The following PDE3A variants were observed in gnomAD, a reference collection of about 807,000 sequenced individuals.
PDE3A encodes phosphodiesterase 3A, also known as cGMP-inhibited 3',5'-cyclic phosphodiesterase 3A.
A neutral mutation model predicts 98.3 loss-of-function variants in PDE3A; 43 were observed. The ratio of observed to expected loss-of-function variants is 0.44; its 90% CI spans 0.34 to 0.56. PDE3A has a LOEUF of 0.56. Among genes scored for constraint, PDE3A ranks in the 20% least tolerant of loss-of-function variants. The probability of loss-of-function intolerance (pLI) is 0.01; values close to 1 mark genes in which losing one functional copy is unlikely to be tolerated. For missense variants in PDE3A, 1,427 were observed against 1,440.7 expected (o/e 0.99, Z 0.15); for synonymous variants, 663 against 567.9 (o/e 1.17, Z -2.38).
At chr12:20,438,962 T>G (rs1439170893) in intron 1 of PDE3A, among the ~76,000 whole-genome samples, 1 of 151,916 alleles carries the variant, frequency 6.6e-6, no homozygotes, top group African/African-American at 2.4e-5. Context: ...TGGCTAATTT[T>G]TTTTGTGTTT....
At chr12:20,375,277 G>A (rs1308565659) in intron 1 of PDE3A, among the ~76,000 whole-genome samples, 1 of 151,894 alleles carries the variant, frequency 6.6e-6, no homozygotes, top group Non-Finnish European at 1.5e-5. Context: ...ATAGAAACTT[G>A]AATCCTTTTG....
intron 1 of PDE3A, among the ~76,000 whole-genome samples, chr12:20,519,103 GT>G (rs1455138038): frequency 6.6e-6 from 1 of 152,154 alleles, no homozygotes; most frequent in Non-Finnish European, 1.5e-5. Context: ...TAGTGTTGTA[GT>G]TTATGTGACT....
At position 20,501,354 on chromosome 12, in the gene PDE3A, CAA is replaced by C. The variant is rs554064038; in HGVS notation, c.961-55305_961-55304del. On this transcript the variant is annotated intron_variant, in intron 1 of 15. Transcript: ENST00000359062. ...ACCGTAATCCATATAACCTCAGCGTCAAGTCAGATTTTTTTTATTGCCTGAAA... is the reference window on the plus strand; with the variant it reads ...ACCGTAATCCATATAACCTCAGCGTCGTCAGATTTTTTTTATTGCCTGAAA... Among the ~76,000 whole-genome samples, 498 of 152,276 alleles carry C rather than the reference CAA, an allele frequency of 3.3e-3. 3 individuals carry two copies. The highest frequency in any genetic ancestry group is 0.011 in the African/African-American group (476 of 41,564).
At chr12:20,585,054 T>G (rs1943160299) in intron 2 of PDE3A, among the ~76,000 whole-genome samples, 1 of 152,212 alleles carries the variant, frequency 6.6e-6, no homozygotes, top group South Asian at 2.1e-4. Flanking sequence ...TACCTCAATC[T>G]TGTTCTTTCT....
intron 1 of PDE3A, among the ~76,000 whole-genome samples, chr12:20,539,018 C>A (rs781070144): frequency 6.6e-6 from 1 of 151,902 alleles, no homozygotes; most frequent in Admixed American, 6.6e-5. Context: ...TCCCTTAACA[C>A]GTGCCAATTA....
At chr12:20,521,322 G>A (rs1198520432) in intron 1 of PDE3A, among the ~76,000 whole-genome samples, 1 of 151,938 alleles carries the variant, frequency 6.6e-6, no homozygotes, top group Non-Finnish European at 1.5e-5. Flanking sequence ...AAAGAGGAGT[G>A]GTAACATGAA....
chr12:20,462,912 C>T (rs779456183), intron 1 of PDE3A, among the ~76,000 whole-genome samples: 8 of 151,902 alleles, frequency 5.3e-5, no homozygotes, highest in Non-Finnish European at 1.2e-4. Flanking sequence ...ACTTCGGCCT[C>T]CTGAGTATAC....
intron 1 of PDE3A, among the ~76,000 whole-genome samples, chr12:20,542,053 C>T (rs1941927541): frequency 6.6e-6 from 1 of 151,988 alleles, no homozygotes; most frequent in Non-Finnish European, 1.5e-5. Context: ...TGTAGTCCGT[C>T]TATGCTTTTC....
At position 20,369,211 on chromosome 12, in the gene PDE3A, G is replaced by T. The variant is rs993669966; in HGVS notation, c.-74G>T. The stretch of plus-strand genomic sequence containing the variant: ...CGTGCGTGTGTGTGTGTGTGTGTGT[G>T]CGCGCGCGCGCGTGGGTCGGGGCGG... On this transcript the variant is annotated 5_prime_UTR_variant, in exon 1 of 16. Transcript: ENST00000359062. The T allele has an allele frequency of 2.8e-5, 24 of 863,036 alleles. No homozygotes were observed. Among genetic ancestry groups the T allele is most frequent in the Non-Finnish European group, 2.5e-5 (15 of 607,852 alleles). The allele number at this position is 863,036 out of a possible 1,614,324, so 53.5% of individuals were successfully genotyped here.
intron 1 of PDE3A, among the ~76,000 whole-genome samples, chr12:20,478,532 A>AC (rs1367870134): frequency 1.3e-5 from 2 of 152,154 alleles, no homozygotes; most frequent in Non-Finnish European, 2.9e-5. Context: ...TTCAGTACCT[A>AC]CCTAGCACAC....
chr12:20,680,113 A>G lies in PDE3A; in HGVS notation c.3268A>G (p.Ile1090Val), dbSNP rs773161284. Residue 1090 changes from isoleucine to valine, a missense_variant, in exon 16 of 16, where the codon ATT (isoleucine) becomes GTT (valine). By Grantham distance (29) the Ile-to-Val change is conservative. Transcript: ENST00000359062. ...LQNHKMWKKVIEEEQRLAGIE... is the reference protein window; with the variant it reads ...LQNHKMWKKVVEEEQRLAGIE... ...GAACCACAAGATGTGGAAGAAAGTC[A>G]TTGAAGAGGAGCAACGGTTGGCAGG... is the stretch of plus-strand genomic sequence containing the variant. 4 of 1,613,556 alleles carry G rather than the reference A, an allele frequency of 2.5e-6. No homozygotes were observed. Among genetic ancestry groups the G allele is most frequent in the Non-Finnish European group, 3.4e-6 (4 of 1,179,640 alleles).
intron 2 of PDE3A, among the ~76,000 whole-genome samples, chr12:20,582,825 A>G (rs896055451): frequency 6.6e-6 from 1 of 152,182 alleles, no homozygotes; most frequent in African/African-American, 2.4e-5. Flanking sequence ...TGGAGTATAG[A>G]GGTGAAAGAA....
At chr12:20,477,317 T>C (rs947747726) in intron 1 of PDE3A, among the ~76,000 whole-genome samples, 2 of 152,216 alleles carry the variant, frequency 1.3e-5, no homozygotes, top group Admixed American at 1.3e-4. Flanking sequence ...AGTACTTCTT[T>C]TTCCTATTAA....
chr12:20,686,724 T>C lies in PDE3A; in HGVS notation c.*6453T>C, dbSNP rs1284861016. Among the ~76,000 whole-genome samples the C allele has an allele frequency of 6.6e-6, 1 of 152,100 alleles. No homozygotes were observed. The highest frequency in any genetic ancestry group is 1.5e-5 in the Non-Finnish European group (1 of 67,988). On this transcript the variant is annotated 3_prime_UTR_variant, in exon 16 of 16. Coordinates refer to ENST00000359062, the MANE Select transcript of PDE3A (RefSeq NM_000921.5). ...CTTCAATTATACTTCTCTTACTCAA[T>C]ATTAGTAACCAAAAAATAAGCAGAA...
At chr12:20,649,417 T>C (rs12371955) in intron 13 of PDE3A, among the ~76,000 whole-genome samples, 28,619 of 152,152 alleles carry the variant, frequency 0.19, 3,203 homozygotes, top group Middle Eastern at 0.26. Flanking sequence ...GCTGTCTCTA[T>C]AGATTCTACT....
intron 1 of PDE3A, among the ~76,000 whole-genome samples, chr12:20,498,271 C>T (rs1317541638): frequency 6.6e-6 from 1 of 150,864 alleles, no homozygotes; most frequent in Non-Finnish European, 1.5e-5. Context: ...AAATATACCG[C>T]CCACCCCCCC....
intron 1 of PDE3A, among the ~76,000 whole-genome samples, chr12:20,416,391 A>C (rs1565542240): frequency 6.6e-6 from 1 of 152,338 alleles, no homozygotes; most frequent in South Asian, 2.1e-4. Flanking sequence ...ATGAATGGAT[A>C]TAACCCACCT....
intron 1 of PDE3A, among the ~76,000 whole-genome samples, chr12:20,519,465 T>C (rs567715186): frequency 1.3e-5 from 2 of 152,316 alleles, no homozygotes; most frequent in African/African-American, 4.8e-5. Flanking sequence ...TAATAAAGGA[T>C]AGTGAATAAA....
intron 1 of PDE3A, among the ~76,000 whole-genome samples, chr12:20,540,943 C>T (rs1277038443): frequency 2.0e-5 from 3 of 151,824 alleles, no homozygotes; most frequent in Admixed American, 6.6e-5. Flanking sequence ...TTTTTTAAAT[C>T]ATATACTTTC....
Sources: allele counts gnomAD v4.1 joint callset (sites outside exome capture counted in the v4.1 genomes callset), GRCh38; gene constraint gnomAD v4.1.1; transcripts MANE v1.5; gene names NCBI Gene and HGNC (gene_info 2026-07-23, HGNC 2026-07-21).